CTNNA3: variants seen among roughly 807,000 people sequenced by gnomAD.
CTNNA3 encodes the protein catenin alpha 3.
In CTNNA3, 76 loss-of-function variants were observed where a neutral mutation model predicts 95.7. That is an observed-to-expected ratio of 0.79 (90% confidence interval 0.66 to 0.96). The LOEUF (loss-of-function observed/expected upper bound fraction) is 0.96. Ranked by LOEUF, CTNNA3 falls within the 40% of genes least tolerant of loss-of-function variation. CTNNA3 has a pLI of 0.00. For synonymous variants in CTNNA3, 431 were observed against 374.4 expected (o/e 1.15, Z -1.74); for missense variants, 1,191 against 1,089.8 (o/e 1.09, Z -1.31).
At chr10:67,486,560 T>C (rs1433746498) in intron 5 of CTNNA3, among the ~76,000 whole-genome samples, 4 of 152,128 alleles carry the variant, frequency 2.6e-5, no homozygotes, top group Non-Finnish European at 5.9e-5. Flanking sequence ...AACCTCTATG[T>C]GCCTCAGTTT....
chr10:67,632,679 G>A (rs1839184145), intron 2 of CTNNA3, among the ~76,000 whole-genome samples: 1 of 152,126 alleles, frequency 6.6e-6, no homozygotes, highest in Non-Finnish European at 1.5e-5. Flanking sequence ...TGTAATCCGT[G>A]GATCAGGAGA....
intron 11 of CTNNA3, among the ~76,000 whole-genome samples, chr10:66,517,192 G>C (rs1173931616): frequency 1.3e-5 from 2 of 152,084 alleles, no homozygotes; most frequent in Non-Finnish European, 2.9e-5. Flanking sequence ...CTGCACTCAA[G>C]CCTGGGTGAC....
At chr10:66,552,505 A>G (rs1312299613) in intron 10 of CTNNA3, among the ~76,000 whole-genome samples, 2 of 152,062 alleles carry the variant, frequency 1.3e-5, no homozygotes, top group African/African-American at 4.8e-5. Flanking sequence ...TGCTTTTCCA[A>G]TTAAAGTCAG....
At chr10:66,941,208 G>A (rs1364791256) in intron 7 of CTNNA3, among the ~76,000 whole-genome samples, 1 of 152,188 alleles carries the variant, frequency 6.6e-6, no homozygotes, top group Non-Finnish European at 1.5e-5. Context: ...CTTAGAGCCT[G>A]CAGCTGAATG....
At chr10:67,270,662 T>C (rs925403722) in intron 5 of CTNNA3, among the ~76,000 whole-genome samples, 1 of 152,188 alleles carries the variant, frequency 6.6e-6, no homozygotes, top group Non-Finnish European at 1.5e-5. Context: ...AATAGAAAGC[T>C]GCAGTCACTA....
At chr10:66,042,670 C>T (rs932749846) in intron 15 of CTNNA3, among the ~76,000 whole-genome samples, 1 of 151,532 alleles carries the variant, frequency 6.6e-6, no homozygotes, top group Non-Finnish European at 1.5e-5. Flanking sequence ...GAGGCCGAGG[C>T]GGGTGGATCA....
chr10:67,600,629 A>C (rs1262941251), intron 3 of CTNNA3, among the ~76,000 whole-genome samples: 1 of 152,202 alleles, frequency 6.6e-6, no homozygotes, highest in Admixed American at 6.5e-5. Context: ...TAGAAAATTC[A>C]CTTTGGAAAG....
At chr10:66,774,988 T>A (rs1393337625) in intron 8 of CTNNA3, among the ~76,000 whole-genome samples, 1 of 152,212 alleles carries the variant, frequency 6.6e-6, no homozygotes, top group Non-Finnish European at 1.5e-5. Context: ...CTGAATTACT[T>A]ACTAGTTAAT....
chr10:67,313,862 T>A (rs117869901), intron 5 of CTNNA3, among the ~76,000 whole-genome samples: 4,765 of 152,274 alleles, frequency 0.031, 95 homozygotes, highest in South Asian at 0.097. Flanking sequence ...AAGAGGGTCA[T>A]ACTAGGTAGG....
At chr10:67,125,426 C>G (rs1272822752) in intron 7 of CTNNA3, among the ~76,000 whole-genome samples, 1 of 152,054 alleles carries the variant, frequency 6.6e-6, no homozygotes. Context: ...AAAAATGAAT[C>G]ATTAGCAATT....
At chr10:66,475,138 A>T (rs1296542291) in intron 11 of CTNNA3, among the ~76,000 whole-genome samples, 1 of 151,966 alleles carries the variant, frequency 6.6e-6, no homozygotes, top group Non-Finnish European at 1.5e-5. Context: ...TGAATTCTTG[A>T]CCAAACCAAA....
At chr10:67,709,999 G>A (rs137914719) in intron 1 of CTNNA3, among the ~76,000 whole-genome samples, 471 of 152,164 alleles carry the variant, frequency 3.1e-3, no homozygotes, top group Admixed American at 6.8e-3. Context: ...CACAACTACC[G>A]TGACAACCAA....
At chr10:67,138,589 C>T (rs1157277383) in intron 7 of CTNNA3, among the ~76,000 whole-genome samples, 1 of 152,176 alleles carries the variant, frequency 6.6e-6, no homozygotes, top group South Asian at 2.1e-4. Flanking sequence ...CATACGTGCT[C>T]ATTAAAATAA....
chr10:67,518,558 G>A (rs941248927), intron 5 of CTNNA3, among the ~76,000 whole-genome samples: 5 of 151,946 alleles, frequency 3.3e-5, no homozygotes, highest in Non-Finnish European at 5.9e-5. Context: ...TCTATATAAT[G>A]TTCAACTCAA....
chr10:67,493,781 C>T (rs1055908485), intron 5 of CTNNA3, among the ~76,000 whole-genome samples: 2 of 152,058 alleles, frequency 1.3e-5, no homozygotes, highest in African/African-American at 2.4e-5. Context: ...GTCAGCGCAC[C>T]TAAAATCTTT....
chr10:67,008,605 G>T (rs907539554), intron 7 of CTNNA3, among the ~76,000 whole-genome samples: 2 of 152,176 alleles, frequency 1.3e-5, no homozygotes, highest in African/African-American at 2.4e-5. Flanking sequence ...TCATCTGCCA[G>T]TTTTGAAGGG....
chr10:67,609,270 G>A (rs1038847413), intron 2 of CTNNA3, among the ~76,000 whole-genome samples: 2 of 152,072 alleles, frequency 1.3e-5, no homozygotes, highest in East Asian at 3.8e-4. Context: ...CCTCTTGAAA[G>A]CTAATCTGCT....
intron 1 of CTNNA3, among the ~76,000 whole-genome samples, chr10:67,708,191 C>T (rs1179811527): frequency 6.6e-6 from 1 of 152,124 alleles, no homozygotes; most frequent in Non-Finnish European, 1.5e-5. Flanking sequence ...CACCATGCTT[C>T]GGTTTTGACA....
chr10:67,344,662 T>A (rs1842346377), intron 5 of CTNNA3, among the ~76,000 whole-genome samples: 1 of 152,108 alleles, frequency 6.6e-6, no homozygotes, highest in Non-Finnish European at 1.5e-5. Context: ...CCACTAATGA[T>A]CCTTTGAATT....
Sources: allele counts gnomAD v4.1 joint callset (sites outside exome capture counted in the v4.1 genomes callset), GRCh38; gene constraint gnomAD v4.1.1; transcripts MANE v1.5; gene names NCBI Gene and HGNC (gene_info 2026-07-23, HGNC 2026-07-21).